MIOS: variants seen among roughly 807,000 people sequenced by gnomAD.
MIOS encodes the protein meiosis regulator for oocyte development, also known as GATOR2 complex protein MIOS.
A neutral mutation model predicts 96.9 loss-of-function variants in MIOS; 52 were observed. That is an observed-to-expected ratio of 0.54 (90% CI 0.43 to 0.68). The LOEUF is 0.68. Among genes scored for constraint, MIOS ranks in the 30% least tolerant of loss-of-function variants. The pLI is 0.00. For synonymous variants in MIOS, 397 were observed against 359.5 expected (o/e 1.10, Z -1.18); for missense variants, 1,005 against 1,052.8 (o/e 0.95, Z 0.63).
chr7:7,589,257 G>A (rs1783978948), intron 8 of MIOS, 148 bp from the exon 9 acceptor site: 1 of 637,972 alleles, frequency 1.6e-6, no homozygotes, highest in South Asian at 2.9e-5. Flanking sequence ...AATAGATGCA[G>A]ACTTCTTAGT....
At chr7:7,606,502 AT>A (rs1178364035) in intron 12 of MIOS, among the ~76,000 whole-genome samples, 3 of 152,182 alleles carry the variant, frequency 2.0e-5, no homozygotes, top group Admixed American at 6.5e-5. Flanking sequence ...ACATATTTGA[AT>A]TTCATTTTGA....
At chr7:7,584,832 T>C (rs899013212) in intron 6 of MIOS, among the ~76,000 whole-genome samples, 4 of 152,194 alleles carry the variant, frequency 2.6e-5, no homozygotes, top group Non-Finnish European at 5.9e-5. Flanking sequence ...GCCATACTGC[T>C]GAAGGCAAAG....
intron 3 of MIOS, among the ~76,000 whole-genome samples, chr7:7,570,284 G>A (rs1467205757): frequency 5.9e-5 from 9 of 152,128 alleles, no homozygotes; most frequent in Non-Finnish European, 1.3e-4. Flanking sequence ...ACTGGGGAAA[G>A]GCAAACCCAA....
intron 11 of MIOS, among the ~76,000 whole-genome samples, chr7:7,599,887 T>C (rs1382241362): frequency 6.6e-6 from 1 of 152,144 alleles, no homozygotes; most frequent in Non-Finnish European, 1.5e-5. Context: ...GCAGCATGGA[T>C]AGAGCTGGAG....
intron 11 of MIOS, among the ~76,000 whole-genome samples, chr7:7,601,644 C>T (rs891985120): frequency 6.6e-5 from 10 of 152,138 alleles, no homozygotes; most frequent in African/African-American, 2.2e-4. Flanking sequence ...ACCAGAGGTA[C>T]AAGGAGGAGC....
In MIOS at chr7:7,594,046, A is replaced by T. The variant is rs149542932; in HGVS notation, c.2044-934A>T. On this transcript the variant is annotated intron_variant, in intron 9 of 12. Coordinates refer to ENST00000340080, the MANE Select transcript of MIOS (RefSeq NM_019005.4). ...AGAACTCTAAAGTAAATTTAACTAAAACAAGGTGTTGCTTTTAACTGTGGC... is the reference window on the plus strand; with the variant it reads ...AGAACTCTAAAGTAAATTTAACTAATACAAGGTGTTGCTTTTAACTGTGGC... Among the ~76,000 whole-genome samples the T allele has an allele frequency of 6.6e-3, 1,010 of 152,298 alleles. 2 individuals carry two copies. Among genetic ancestry groups the T allele is most frequent in the Non-Finnish European group, 8.9e-3 (602 of 68,014 alleles).
At chr7:7,603,651 T>C (rs2115503610) in intron 11 of MIOS, among the ~76,000 whole-genome samples, 1 of 152,312 alleles carries the variant, frequency 6.6e-6, no homozygotes, top group African/African-American at 2.4e-5. Flanking sequence ...GAAGTCAGTG[T>C]GGCGATTCCT....
rs1269611626 is a variant in MIOS at position 7,608,584 on chromosome 7, T to A, written c.*1492T>A. On this transcript the variant is annotated 3_prime_UTR_variant, in exon 13 of 13. Coordinates refer to ENST00000340080, the MANE Select transcript of MIOS (RefSeq NM_019005.4). ...GCAATTTTTTTTTAAAGATTGCTAT[T>A]AAGGGTACTTTTTCCAGCCTTCATT... 6.6e-6 allele frequency: 1 copy of A among 152,020 alleles called. No homozygotes were observed. The highest frequency in any genetic ancestry group is 1.5e-5 in the Non-Finnish European group (1 of 67,920). The allele number at this position is 152,020 out of a possible 1,614,324, so 9.4% of individuals were successfully genotyped here.
chr7:7,574,055 T>C, intron 4 of MIOS, 43 bp from the exon 5 acceptor site: 1 of 1,409,348 alleles, frequency 7.1e-7, no homozygotes. Context: ...AGCTTTGAAA[T>C]ATATTGTCAT....
rs1783384212 is a variant in MIOS at position 7,572,364 on chromosome 7, T to A, written c.-40-72T>A. 5 of 733,058 alleles carry A rather than the reference T, an allele frequency of 6.8e-6. No homozygotes were observed. The East Asian group carries it at 1.4e-4, about 21-fold the overall frequency. 45.4% of individuals were successfully genotyped at this position (733,058 alleles called of 1,614,324 possible). ...TTGAATAGAGAATTTTCTGACTTTC[T>A]GAATAGTTTATTCAACGTAAGAATT... On this transcript the variant is annotated intron_variant, in intron 3 of 12. Coordinates refer to ENST00000340080, the MANE Select transcript of MIOS (RefSeq NM_019005.4). This position sits in a 1 kb window ranked among gnomAD's most constrained non-coding sequence, Gnocchi z 4.8.
At chr7:7,584,431 T>C (rs1456321505) in intron 6 of MIOS, among the ~76,000 whole-genome samples, 3 of 152,126 alleles carry the variant, frequency 2.0e-5, no homozygotes, top group Non-Finnish European at 4.4e-5. Flanking sequence ...ATAGGGAAAA[T>C]GTATCTTTCC....
At chr7:7,604,519 G>A (rs563497782) in intron 11 of MIOS, among the ~76,000 whole-genome samples, 13 of 152,198 alleles carry the variant, frequency 8.5e-5, no homozygotes, top group South Asian at 6.2e-4. Context: ...GACAAAAATC[G>A]CTGCCCTTAC....
intron 9 of MIOS, among the ~76,000 whole-genome samples, chr7:7,593,881 A>AAAAAAC (rs1784120954): frequency 7.8e-6 from 1 of 128,610 alleles, no homozygotes; most frequent in Non-Finnish European, 1.6e-5. Flanking sequence ...TCTGTCTCCA[A>AAAAAAC]AAAAAAAAAA....
At chr7:7,574,504 G>A (rs1286647250) in intron 5 of MIOS, among the ~76,000 whole-genome samples, 3 of 152,018 alleles carry the variant, frequency 2.0e-5, no homozygotes, top group Non-Finnish European at 4.4e-5. Flanking sequence ...ACAATTTACA[G>A]ATTACTGATT....
intron 5 of MIOS, among the ~76,000 whole-genome samples, chr7:7,576,333 A>C (rs60197269): frequency 6.6e-6 from 1 of 152,318 alleles, no homozygotes; most frequent in African/African-American, 2.4e-5. Context: ...AGCAGGATCA[A>C]TGTCATCCCT....
Position 7,605,989 on chromosome 7 carries a change from T to A in MIOS, c.2449T>A (p.Leu817Ile), listed in dbSNP as rs770759804. The A allele has an allele frequency of 1.7e-5, 27 of 1,613,776 alleles. No individual in the cohort carries two copies. The highest frequency in any genetic ancestry group is 1.6e-4 in the South Asian group (15 of 91,070). ...EKVDLSKDKK[L>I]AQFNNWFTWC... is the part of the protein sequence containing the mutation. ...AGTGGACTTGAGCAAGGACAAAAAA[T>A]TAGCCCAATTTAACAACTGGTTTAC... is the stretch of plus-strand genomic sequence containing the variant. The change falls in exon 12 of 13, where the codon TTA (leucine) becomes ATA (isoleucine). Residue 817 changes from leucine to isoleucine, a missense_variant. Leu to Ile is a conservative substitution (Grantham distance 5). This residue lies in a region of MIOS where 865 missense variants were observed against 887.9 expected (regional missense o/e 0.97). Transcript: ENST00000340080.
chr7:7,588,178 A>G (rs1307706381), intron 7 of MIOS, among the ~76,000 whole-genome samples: 1 of 152,196 alleles, frequency 6.6e-6, no homozygotes, highest in Non-Finnish European at 1.5e-5. Flanking sequence ...ATTATGTGGC[A>G]TCTTAAATTT....
chr7:7,570,580 T>C (rs1353444231), intron 3 of MIOS, among the ~76,000 whole-genome samples: 1 of 151,912 alleles, frequency 6.6e-6, no homozygotes, highest in African/African-American at 2.4e-5. Context: ...CTCACCGTAA[T>C]GTAGAATCAG....
At chr7:7,587,938 T>C (rs1342542276) in intron 7 of MIOS, among the ~76,000 whole-genome samples, 1 of 152,198 alleles carries the variant, frequency 6.6e-6, no homozygotes, top group Non-Finnish European at 1.5e-5. Context: ...TTAGTTATTA[T>C]AATGCCTCTG....
Sources: allele counts gnomAD v4.1 joint callset (sites outside exome capture counted in the v4.1 genomes callset), GRCh38; gene constraint gnomAD v4.1.1; regional missense constraint gnomAD v4.1.1; non-coding constraint Gnocchi (gnomAD v3.1); transcripts MANE v1.5; gene names NCBI Gene and HGNC (gene_info 2026-07-23, HGNC 2026-07-21).